PGM5: variants seen among roughly 807,000 people sequenced by gnomAD.
PGM5 encodes phosphoglucomutase-like protein 5.
PGM5 carries 23 observed loss-of-function variants against 59.2 expected under a neutral mutation model. The ratio of observed to expected loss-of-function variants is 0.39; its 90% confidence interval spans 0.28 to 0.55. The LOEUF (loss-of-function observed/expected upper bound fraction) is 0.55. PGM5 is among the 20% of genes least tolerant of loss of function. PGM5 has a pLI of 0.66. For synonymous variants in PGM5, 214 were observed against 286.0 expected, an observed-to-expected ratio of 0.75 and a Z score of 2.54; for missense variants, 574 against 748.3, an observed-to-expected ratio of 0.77 and a Z score of 2.72.
At chr9:68,371,738 T>C (rs1489418396) in intron 1 of PGM5, 1 of 152,134 alleles carries the variant, frequency 6.6e-6, no homozygotes, top group African/African-American at 2.4e-5. Context: ...CTTTCAAAAG[T>C]TATATTTCTT....
At chr9:68,400,502 C>G (rs1196850586) in intron 6 of PGM5, 1 of 152,430 alleles carries the variant, frequency 6.6e-6, no homozygotes, top group Non-Finnish European at 1.5e-5. Flanking sequence ...CTCAGTAAGT[C>G]CTTTGATACC....
chr9:68,452,157 GC>G (rs1436626824), intron 6 of PGM5, among the ~76,000 whole-genome samples: 3 of 152,116 alleles, frequency 2.0e-5, no homozygotes, highest in African/African-American at 7.2e-5. Context: ...CCAACCCCCT[GC>G]CCCACCACAA....
At chr9:68,395,571 G>T (rs1413390399) in intron 6 of PGM5, 1 of 152,048 alleles carries the variant, frequency 6.6e-6, no homozygotes, top group Non-Finnish European at 1.5e-5. Flanking sequence ...TCCATTCCAT[G>T]AATGTGGTAT....
intron 6 of PGM5, among the ~76,000 whole-genome samples, chr9:68,401,596 G>A (rs1262740133): frequency 6.6e-6 from 1 of 151,192 alleles, no homozygotes; most frequent in Non-Finnish European, 1.5e-5. Context: ...CTTTAAACTG[G>A]GGTTTCAATG....
At chr9:68,512,930 C>T (rs1587228005) in intron 10 of PGM5, among the ~76,000 whole-genome samples, 1 of 152,228 alleles carries the variant, frequency 6.6e-6, no homozygotes, top group East Asian at 1.9e-4. Context: ...ATAATTTTAA[C>T]ATGTCACAAA....
At chr9:68,395,604 T>C (rs1822479186) in intron 6 of PGM5, 1 of 152,190 alleles carries the variant, frequency 6.6e-6, no homozygotes, top group African/African-American at 2.4e-5. Context: ...AGGTTTTCTT[T>C]AATTTCTCTT....
At position 68,529,647 on chromosome 9, in the gene PGM5, C is replaced by A; in HGVS notation, c.1695C>A (p.Val565=). 6.3e-7 allele frequency: 1 copy of A among 1,591,958 alleles called. No individual in the cohort carries two copies. The highest frequency in any genetic ancestry group is 1.1e-5 in the South Asian group (1 of 88,480). ...HERTGRRGPT[V]IT The stretch of plus-strand genomic sequence containing the variant: ...GAACTGGCCGGAGGGGACCCACTGT[C>A]ATCACCTGAATAGAGGAAAGATCAC... The change falls in exon 11 of 11, where the codon GTC becomes GTA. Residue 565 remains valine (V), a synonymous_variant. Transcript: ENST00000396396.
intron 6 of PGM5, among the ~76,000 whole-genome samples, chr9:68,440,727 G>T (rs372057648): frequency 1.7e-4 from 26 of 151,922 alleles, no homozygotes; most frequent in African/African-American, 4.6e-4. Context: ...TAAGAGAAAG[G>T]TTTCACATCA....
At chr9:68,414,436 T>G (rs1475745981) in intron 6 of PGM5, among the ~76,000 whole-genome samples, 17 of 152,168 alleles carry the variant, frequency 1.1e-4, no homozygotes, top group African/African-American at 3.9e-4. Context: ...TATTGGCTAC[T>G]TTGTCATTTC....
At chr9:68,432,277 GCAACCT>G (rs1443364687) in intron 6 of PGM5, among the ~76,000 whole-genome samples, 1 of 151,228 alleles carries the variant, frequency 6.6e-6, no homozygotes, top group Non-Finnish European at 1.5e-5. Flanking sequence ...TCAGGTCACT[GCAACCT>G]CTGCCTCCTG....
chr9:68,372,596 G>A (rs1160863443), intron 1 of PGM5, among the ~76,000 whole-genome samples: 1 of 152,222 alleles, frequency 6.6e-6, no homozygotes, highest in South Asian at 2.1e-4. Flanking sequence ...CCCATGCATA[G>A]CCTTCACCCC....
intron 10 of PGM5, among the ~76,000 whole-genome samples, chr9:68,513,931 T>C (rs1554689553): frequency 1.3e-5 from 2 of 152,252 alleles, no homozygotes; most frequent in Non-Finnish European, 2.9e-5. Flanking sequence ...GCAGTCATTA[T>C]GAATTCACTT....
chr9:68,452,228 C>A (rs1053982226), intron 6 of PGM5, among the ~76,000 whole-genome samples: 4 of 152,210 alleles, frequency 2.6e-5, no homozygotes, highest in Non-Finnish European at 5.9e-5. Flanking sequence ...TTCCTACCAG[C>A]CCTTTGCCCT....
intron 1 of PGM5, among the ~76,000 whole-genome samples, chr9:68,367,461 C>T (rs1834701538): frequency 6.6e-6 from 1 of 152,184 alleles, no homozygotes; most frequent in Non-Finnish European, 1.5e-5. Flanking sequence ...TCTGCTGAGT[C>T]GTCTGAAAAT....
At chr9:68,424,634 C>T (rs1453496127) in intron 6 of PGM5, among the ~76,000 whole-genome samples, 34 of 152,134 alleles carry the variant, frequency 2.2e-4, no homozygotes, top group Admixed American at 2.2e-3. Context: ...CAGAAGGGTT[C>T]CATGGACAAA....
At chr9:68,446,050 G>T (rs1823606193) in intron 6 of PGM5, among the ~76,000 whole-genome samples, 1 of 152,190 alleles carries the variant, frequency 6.6e-6, no homozygotes, top group Admixed American at 6.5e-5. Flanking sequence ...ATGTAGCATG[G>T]ATGCCAAGAG....
chr9:68,461,645 C>T (rs1554685418), intron 6 of PGM5, among the ~76,000 whole-genome samples: 2 of 152,160 alleles, frequency 1.3e-5, no homozygotes, highest in East Asian at 3.9e-4. Context: ...CTAGCTTTTC[C>T]TGCTGCCTTT....
intron 6 of PGM5, among the ~76,000 whole-genome samples, chr9:68,449,584 T>G (rs782731831): frequency 9.2e-5 from 14 of 152,316 alleles, no homozygotes; most frequent in Admixed American, 9.2e-4. Flanking sequence ...GCCTGTTAAG[T>G]GATAGCTGCA....
intron 1 of PGM5, among the ~76,000 whole-genome samples, chr9:68,374,667 T>C (rs1362525437): frequency 1.3e-5 from 2 of 151,262 alleles, no homozygotes; most frequent in African/African-American, 2.4e-5. Context: ...CTGATCCTCC[T>C]CTTTCCGCTC....
Sources: gnomAD v4.1 joint callset for allele counts (sites outside exome capture counted in the v4.1 genomes callset) on GRCh38, gnomAD v4.1.1 for gene constraint, MANE v1.5 for transcripts, NCBI Gene and HGNC (gene_info 2026-07-23, HGNC 2026-07-21) for gene names.